The following SLC20A2 variants were observed in gnomAD, a reference collection of about 807,000 sequenced individuals.
The protein encoded by SLC20A2 is sodium-dependent phosphate transporter 2.
In SLC20A2, 30 loss-of-function variants were observed where a neutral mutation model predicts 61.0. The ratio of observed to expected loss-of-function variants is 0.49; its 90% CI spans 0.37 to 0.67. The LOEUF (loss-of-function observed/expected upper bound fraction) is 0.67. Among genes scored for constraint, SLC20A2 ranks in the 30% least tolerant of loss-of-function variants. The probability of loss-of-function intolerance (pLI) is 0.00; values close to 1 mark genes in which losing one functional copy is unlikely to be tolerated. For missense variants in SLC20A2, 626 were observed against 866.4 expected (o/e 0.72, Z 3.48); for synonymous variants, 351 against 353.3 (o/e 0.99, Z 0.07).
intron 10 of SLC20A2, among the ~76,000 whole-genome samples, chr8:42,421,082 C>G (rs931978922): frequency 2.6e-5 from 4 of 152,238 alleles, no homozygotes; most frequent in African/African-American, 9.6e-5. Flanking sequence ...ATTACAACAT[C>G]TGGTTTTCCC....
In SLC20A2 at chr8:42,495,130, A is replaced by C. The variant is rs560331442; in HGVS notation, c.-265+5901T>G. ...CTGGCCTCCCAAAGTGCTGGGATTA[A>C]AGCCATGAGCCACTGCGCCCGGCCA... On this transcript the variant is annotated intron_variant, in intron 1 of 10. Transcript: ENST00000520262. 2.2e-4 allele frequency among the ~76,000 whole-genome samples: 33 copies of C among 152,044 alleles called. No homozygotes were observed. In the East Asian group the frequency reaches 6.0e-3, roughly 28 times the overall value.
chr8:42,501,862 G>A (rs1810340015), upstream of SLC20A2, among the ~76,000 whole-genome samples: 1 of 152,208 alleles, frequency 6.6e-6, no homozygotes, highest in Admixed American at 6.5e-5. Context: ...CTCTGTAGGT[G>A]ACTGACCATC....
At chr8:42,535,891 T>C (rs73632769) in intron 1 of SLC20A2, among the ~76,000 whole-genome samples, 4,697 of 152,214 alleles carry the variant, frequency 0.031, 143 homozygotes, top group African/African-American at 0.079. Flanking sequence ...ACATTCCTAG[T>C]TAAAGAATAG....
intron 1 of SLC20A2, among the ~76,000 whole-genome samples, chr8:42,480,036 T>C (rs1216776853): frequency 6.6e-6 from 1 of 152,174 alleles, no homozygotes; most frequent in Admixed American, 6.5e-5. Context: ...TTTATTATGA[T>C]CATAGAAAAG....
intron 1 of SLC20A2, chr8:42,537,900 C>G (rs1237499459): frequency 6.6e-6 from 1 of 152,170 alleles, no homozygotes; most frequent in Admixed American, 6.5e-5. Flanking sequence ...GAAACCACAC[C>G]GCCTCTGGAG....
Position 42,428,840 on chromosome 8 carries a change from C to A in SLC20A2, c.1712G>T (p.Gly571Val). The A allele has an allele frequency of 6.3e-7, 1 of 1,595,888 alleles. No individual in the cohort carries two copies. Among genetic ancestry groups the A allele is most frequent in the Non-Finnish European group, 8.5e-7 (1 of 1,171,496 alleles). Reference protein sequence around the residue: ...KDLTPITPSSGFTIELASAFT... With the variant: ...KDLTPITPSSVFTIELASAFT... The stretch of plus-strand genomic sequence containing the variant: ...GGCTGAGGCCAGCTCGATCGTGAAG[C>A]CGCTGTGGGGGGAGCATGAGACACG... Residue 571 changes from glycine to valine, a missense_variant and splice_region_variant, in exon 10 of 11, where the codon GGC (glycine) becomes GTC (valine). Coordinates refer to ENST00000520262, the MANE Select transcript of SLC20A2 (RefSeq NM_001257180.2).
chr8:42,465,090 C>T (rs1807049430), intron 3 of SLC20A2, among the ~76,000 whole-genome samples: 1 of 151,704 alleles, frequency 6.6e-6, no homozygotes, highest in South Asian at 2.1e-4. Flanking sequence ...CAGAGTCTTG[C>T]TTTGTTGCCC....
At chr8:42,492,734 G>A (rs1241437020) in intron 1 of SLC20A2, among the ~76,000 whole-genome samples, 2 of 151,894 alleles carry the variant, frequency 1.3e-5, no homozygotes, top group Non-Finnish European at 2.9e-5. Flanking sequence ...TGTCACCCAG[G>A]CTGGAGTGCA....
intron 5 of SLC20A2, among the ~76,000 whole-genome samples, chr8:42,455,646 T>C (rs1397606272): frequency 1.3e-5 from 2 of 150,906 alleles, no homozygotes; most frequent in Non-Finnish European, 3.0e-5. Flanking sequence ...TGACACTCCG[T>C]CTCAAAAAAA....
chr8:42,451,515 G>A (rs1429969790), intron 5 of SLC20A2, among the ~76,000 whole-genome samples: 1 of 148,284 alleles, frequency 6.7e-6, no homozygotes, highest in African/African-American at 2.5e-5. Context: ...AAGAGATGAG[G>A]AGGAGGAGAA....
chr8:42,505,155 C>A (rs1390329335), upstream of SLC20A2, among the ~76,000 whole-genome samples: 2 of 151,204 alleles, frequency 1.3e-5, no homozygotes, highest in East Asian at 1.9e-4. Context: ...GTCGCCCAGC[C>A]TGGAGTGCAG....
intron 5 of SLC20A2, among the ~76,000 whole-genome samples, 170 bp from the exon 6 acceptor site, chr8:42,444,932 T>G (rs545678601): frequency 6.6e-6 from 1 of 152,272 alleles, no homozygotes; most frequent in Non-Finnish European, 1.5e-5. Context: ...GAAAGCTGTA[T>G]GTTCAAGACA....
At chr8:42,497,877 C>T (rs1436420506) in intron 1 of SLC20A2, among the ~76,000 whole-genome samples, 1 of 152,078 alleles carries the variant, frequency 6.6e-6, no homozygotes. Flanking sequence ...TCCCCAGTAC[C>T]CAAGCCTTCC....
At chr8:42,508,366 T>TTGTG (rs1478329646) in intron 1 of SLC20A2, among the ~76,000 whole-genome samples, 4 of 151,968 alleles carry the variant, frequency 2.6e-5, no homozygotes, top group Non-Finnish European at 2.9e-5. Flanking sequence ...GTTTGTTTGT[T>TTGTG]TGTTTTGAGA....
intron 1 of SLC20A2, among the ~76,000 whole-genome samples, chr8:42,532,256 T>C (rs987372366): frequency 5.9e-5 from 9 of 152,178 alleles, no homozygotes; most frequent in African/African-American, 2.2e-4. Context: ...GGACCGTTTA[T>C]CTAAAAAATG....
intron 1 of SLC20A2, among the ~76,000 whole-genome samples, chr8:42,500,395 A>G (rs1195964199): frequency 6.6e-6 from 1 of 152,246 alleles, no homozygotes; most frequent in Non-Finnish European, 1.5e-5. Flanking sequence ...AGTTAAGGTT[A>G]CAGAATCCCA....
intron 6 of SLC20A2, among the ~76,000 whole-genome samples, chr8:42,444,049 A>G (rs1055211282): frequency 3.3e-5 from 5 of 152,124 alleles, no homozygotes; most frequent in Non-Finnish European, 4.4e-5. Flanking sequence ...TGACCAACAC[A>G]TGGGTTGTTT....
chr8:42,530,498 C>T (rs1370459817), intron 1 of SLC20A2, among the ~76,000 whole-genome samples: 4 of 152,104 alleles, frequency 2.6e-5, no homozygotes, highest in Admixed American at 6.6e-5. Context: ...GTAGTCATTG[C>T]GAAGACCTAC....
intron 2 of SLC20A2, among the ~76,000 whole-genome samples, chr8:42,469,136 G>T (rs1258225313): frequency 6.6e-6 from 1 of 152,020 alleles, no homozygotes; most frequent in Non-Finnish European, 1.5e-5. Context: ...AAGAAAAAAG[G>T]ACTGTTGGAT....
Sources: gnomAD v4.1 joint callset for allele counts (sites outside exome capture counted in the v4.1 genomes callset) on GRCh38, gnomAD v4.1.1 for gene constraint, MANE v1.5 for transcripts, NCBI Gene and HGNC (gene_info 2026-07-23, HGNC 2026-07-21) for gene names.